SYCE1L: variants seen among roughly 807,000 people sequenced by gnomAD.
SYCE1L encodes the protein synaptonemal complex central element protein 1-like.
Under a neutral mutation model 39.6 loss-of-function variants are expected in SYCE1L, and 51 were observed. The observed-to-expected ratio is 1.29, with a 90% CI of 1.03 to 1.63. SYCE1L has a LOEUF of 1.63. SYCE1L is among the 40% of genes most tolerant of loss of function. The probability of loss-of-function intolerance (pLI) is 0.00; values close to 1 mark genes in which losing one functional copy is unlikely to be tolerated. For missense variants in SYCE1L, 426 were observed against 304.9 expected, an observed-to-expected ratio of 1.40 and a Z score of -2.96; for synonymous variants, 147 against 122.4, an observed-to-expected ratio of 1.20 and a Z score of -1.33.
intron 2 of SYCE1L, 110 bp downstream of exon 2, chr16:77,206,610 T>G: frequency 9.8e-7 from 1 of 1,019,906 alleles, no homozygotes; most frequent in Non-Finnish European, 1.5e-6. Flanking sequence ...CCCATTGCAC[T>G]TTCTCCCTCT....
chr16:77,212,330 C>G lies in SYCE1L; in HGVS notation c.542C>G (p.Ser181Trp), dbSNP rs753995398. Residue 181 changes from serine to tryptophan, a missense_variant, in exon 9 of 11, where the codon TCG (serine) becomes TGG (tryptophan). Ser to Trp is a radical substitution (Grantham distance 177, BLOSUM62 -3). Coordinates refer to ENST00000378644, the MANE Select transcript of SYCE1L (RefSeq NM_001129979.3). Reference protein sequence around the residue: ...KLREVERRLHSPPEVEGAMAV... With the variant: ...KLREVERRLHWPPEVEGAMAV... Reference sequence around the variant, plus strand: ...CGGGAGGTGGAGCGGCGGCTGCACTCGCCGCCTGAGGTCGAGGGCGCCATG... The same window carrying G: ...CGGGAGGTGGAGCGGCGGCTGCACTGGCCGCCTGAGGTCGAGGGCGCCATG... 2.0e-6 allele frequency: 3 copies of G among 1,522,812 alleles called. No homozygotes were observed. Among genetic ancestry groups the G allele is most frequent in the Non-Finnish European group, 2.6e-6 (3 of 1,137,240 alleles). 94.3% of individuals were successfully genotyped at this position (1,522,812 alleles called of 1,614,324 possible). A position where few individuals can be genotyped will look rare whatever the true frequency, so the allele number is the denominator to read the frequency against.
chr16:77,203,541 A>G (rs965475815), intron 1 of SYCE1L, among the ~76,000 whole-genome samples: 1 of 151,712 alleles, frequency 6.6e-6, no homozygotes, highest in Admixed American at 6.6e-5. Flanking sequence ...AAAGAATTTC[A>G]GCCTGCAAAC....
chr16:77,207,073 G>A (rs9930815), intron 2 of SYCE1L, among the ~76,000 whole-genome samples: 83,832 of 151,740 alleles, frequency 0.55, 24,957 homozygotes, highest in Non-Finnish European at 0.67. Context: ...CAGAAGAAGT[G>A]CACTGGGACT....
intron 3 of SYCE1L, 97 bp from the exon 4 acceptor site, chr16:77,208,368 G>C (rs781260087): frequency 1.3e-6 from 2 of 1,542,612 alleles, no homozygotes; most frequent in Non-Finnish European, 1.8e-6. Flanking sequence ...GGCCCCTCTA[G>C]GGTTGTTTGA....
chr16:77,212,922 C>T lies in SYCE1L; in HGVS notation c.720C>T (p.Asp240=), dbSNP rs1218305277. The change falls in exon 11 of 11, where the codon GAC becomes GAT. Residue 240 remains aspartate, a synonymous_variant. Transcript: ENST00000378644. ...EDPEPPVAAP[D]AL Reference sequence around the variant, plus strand: ...CCGAGCCGCCGGTGGCTGCCCCTGACGCCCTCTAGGCCAGCAGGACCCGCC... The same window carrying T: ...CCGAGCCGCCGGTGGCTGCCCCTGATGCCCTCTAGGCCAGCAGGACCCGCC... 1 of 1,529,994 alleles carries T rather than the reference C, an allele frequency of 6.5e-7. No homozygotes were observed. 94.8% of individuals were successfully genotyped at this position (1,529,994 alleles called of 1,614,324 possible).
At chr16:77,204,665 G>T (rs1597382885) in intron 1 of SYCE1L, among the ~76,000 whole-genome samples, 1 of 152,154 alleles carries the variant, frequency 6.6e-6, no homozygotes, top group African/African-American at 2.4e-5. Context: ...CCACTAAAAA[G>T]AATAAAAAGA....
Position 77,212,200 on chromosome 16 carries a change from G to A in SYCE1L, c.493+1G>A, listed in dbSNP as rs758732020. On this transcript the variant is annotated splice_donor_variant, in intron 8 of 10. Transcript: ENST00000378644. LOFTEE classifies it high-confidence loss of function. ...AGCAAGGAGCAGCTGCTCTCGGAGA[G>A]TGAGCCTCCCGCGCCAGGTGGGCGG... 13 of 1,547,176 alleles carry A rather than the reference G, an allele frequency of 8.4e-6. No individual in the cohort carries two copies. Among genetic ancestry groups the A allele is most frequent in the Non-Finnish European group, 1.1e-5 (13 of 1,145,608 alleles).
chr16:77,209,947 A>G (rs73632748), intron 6 of SYCE1L, among the ~76,000 whole-genome samples: 2,214 of 152,258 alleles, frequency 0.015, 65 homozygotes, highest in African/African-American at 0.051. Flanking sequence ...CCATCCAATC[A>G]TGCATTCATC....
At chr16:77,206,299 G>A (rs1183224173) in intron 1 of SYCE1L, 142 bp from the exon 2 acceptor site, 10 of 682,114 alleles carry the variant, frequency 1.5e-5, no homozygotes, top group Non-Finnish European at 2.2e-5. Context: ...CGGGGGCCCT[G>A]CTTCAGATGG....
chr16:77,212,495 C>T (rs2054831702), intron 9 of SYCE1L, 79 bp from the exon 10 acceptor site: 2 of 1,538,608 alleles, frequency 1.3e-6, no homozygotes, highest in Non-Finnish European at 1.7e-6. Context: ...GTCGTCGGGT[C>T]TCCGCGTCTC....
intron 2 of SYCE1L, among the ~76,000 whole-genome samples, chr16:77,206,820 T>C (rs1483057577): frequency 8.5e-6 from 1 of 116,994 alleles, no homozygotes; most frequent in Non-Finnish European, 2.2e-5. Flanking sequence ...AAAAAATGCA[T>C]TCATGGATGT....
Position 77,199,543 on chromosome 16 carries a change from C to T in SYCE1L, c.61+31C>T, listed in dbSNP as rs952540401. The T allele has an allele frequency of 5.3e-6, 8 of 1,513,696 alleles. No individual in the cohort carries two copies. The Admixed American group carries it at 1.6e-4, about 30-fold the overall frequency. The allele number at this position is 1,513,696 out of a possible 1,614,324, so 93.8% of individuals were successfully genotyped here. A position where few individuals can be genotyped will look rare whatever the true frequency, so the allele number is the denominator to read the frequency against. ...GAGGGCAAGTGGGCTGCACTCCTTT[C>T]TCTCCAACCAGGGCAGAAAGGAGGG... On this transcript the variant is annotated intron_variant, in intron 1 of 10. Transcript: ENST00000378644.
At chr16:77,206,361 C>A in intron 1 of SYCE1L, 80 bp from the exon 2 acceptor site, 1 of 1,288,492 alleles carries the variant, frequency 7.8e-7, no homozygotes, top group Non-Finnish European at 1.1e-6. Context: ...GTCTGCAGAG[C>A]CCACTGGGAC....
At chr16:77,212,834 C>T in intron 10 of SYCE1L, 23 bp from the exon 11 acceptor site, 2 of 1,464,642 alleles carry the variant, frequency 1.4e-6, no homozygotes, top group Non-Finnish European at 1.8e-6. Flanking sequence ...ACCTGGTCCG[C>T]AGCCTCACCC....
At position 77,213,030 on chromosome 16, in the gene SYCE1L, C is replaced by T. The variant is rs1020244394; in HGVS notation, c.*99C>T. ...GCTCGCGTTCTCCGCGGAGTCTGTGCTACACCGTGGAGCGGGGCGGGGCGT... is the reference window on the plus strand; with the variant it reads ...GCTCGCGTTCTCCGCGGAGTCTGTGTTACACCGTGGAGCGGGGCGGGGCGT... On this transcript the variant is annotated 3_prime_UTR_variant, in exon 11 of 11. Coordinates refer to ENST00000378644, the MANE Select transcript of SYCE1L (RefSeq NM_001129979.3). 5 of 1,214,260 alleles carry T rather than the reference C, an allele frequency of 4.1e-6. No individual in the cohort carries two copies. In the African/African-American group the frequency reaches 7.9e-5, roughly 19 times the overall value. The allele number at this position is 1,214,260 out of a possible 1,614,324, so 75.2% of individuals were successfully genotyped here.
intron 2 of SYCE1L, 52 bp from the exon 3 acceptor site, chr16:77,208,158 C>A: frequency 6.6e-7 from 1 of 1,514,184 alleles, no homozygotes; most frequent in Non-Finnish European, 8.9e-7. Context: ...CTGCCTTGGA[C>A]AGCCAGACAC....
In SYCE1L at chr16:77,199,465, T is replaced by G; in HGVS notation, c.14T>G (p.Leu5Arg). MAGK[L>R]KPLNVEAPEA... ...CCGCGTTGGAAAATGGCGGGGAAGC[T>G]GAAACCTCTGAATGTGGAGGCGCCA... Residue 5 changes from leucine to arginine, a missense_variant, in exon 1 of 11, where the codon CTG becomes CGG. Coordinates refer to ENST00000378644, the MANE Select transcript of SYCE1L (RefSeq NM_001129979.3). The G allele has an allele frequency of 6.4e-7, 1 of 1,551,438 alleles. No homozygotes were observed. Among genetic ancestry groups the G allele is most frequent in the Non-Finnish European group, 8.7e-7 (1 of 1,146,964 alleles).
chr16:77,212,167 T>C lies in SYCE1L; in HGVS notation c.461T>C (p.Leu154Pro). 6.5e-7 allele frequency: 1 copy of C among 1,549,064 alleles called. No homozygotes were observed. The highest frequency in any genetic ancestry group is 8.7e-7 in the Non-Finnish European group (1 of 1,146,548). Residue 154 changes from leucine (L) to proline (P), a missense_variant, in exon 8 of 11, where the codon CTG (leucine) becomes CCG (proline). By Grantham distance (98) the Leu-to-Pro change is moderately conservative. Transcript: ENST00000378644. ...EQRLAREIRA[L>P]ERSKEQLLSE... ...CGACTGGCCCGGGAGATCCGTGCCCTGGAGAGAAGCAAGGAGCAGCTGCTC... is the reference window on the plus strand; with the variant it reads ...CGACTGGCCCGGGAGATCCGTGCCCCGGAGAGAAGCAAGGAGCAGCTGCTC...
intron 6 of SYCE1L, among the ~76,000 whole-genome samples, chr16:77,210,227 T>C (rs1254839313): frequency 6.6e-6 from 1 of 152,160 alleles, no homozygotes; most frequent in African/African-American, 2.4e-5. Context: ...TTAGTAGAGA[T>C]GGGGTTTCTC....
Sources: allele counts gnomAD v4.1 joint callset (sites outside exome capture counted in the v4.1 genomes callset), GRCh38; gene constraint gnomAD v4.1.1; transcripts MANE v1.5; gene names NCBI Gene and HGNC (gene_info 2026-07-23, HGNC 2026-07-21).